Variants in SLCO3A1 observed in about 807,000 individuals in gnomAD.
SLCO3A1 encodes the protein solute carrier organic anion transporter family member 3A1.
Under a neutral mutation model 63.1 loss-of-function variants are expected in SLCO3A1, and 27 were observed. That is an observed-to-expected ratio of 0.43 (90% CI 0.32 to 0.59). The LOEUF (loss-of-function observed/expected upper bound fraction) is 0.59, where lower values mean the gene tolerates loss of function less well. SLCO3A1 is among the 20% of genes least tolerant of loss of function. The pLI, the probability that SLCO3A1 is intolerant of heterozygous loss-of-function variation, is 0.09. For missense variants in SLCO3A1, 773 were observed against 945.8 expected (o/e 0.82, Z 2.40); for synonymous variants, 473 against 409.9 (o/e 1.15, Z -1.86).
At chr15:92,167,307 CCT>C, downstream of SLCO3A1, among the ~76,000 whole-genome samples, 1 of 152,302 alleles carries the variant, frequency 6.6e-6, no homozygotes, top group Non-Finnish European at 1.5e-5. Flanking sequence ...TGATTGACCT[CCT>C]CTCAACCATG....
At chr15:92,104,994 G>A (rs116326573) in intron 4 of SLCO3A1, among the ~76,000 whole-genome samples, 5,614 of 142,450 alleles carry the variant, frequency 0.039, 332 homozygotes, top group African/African-American at 0.13. Context: ...CACCGCGCCC[G>A]GTGTAATCAC....
intron 1 of SLCO3A1, chr15:91,889,089 T>C (rs1010607752): frequency 3.7e-6 from 4 of 1,092,780 alleles, no homozygotes; most frequent in Non-Finnish European, 4.7e-6. Flanking sequence ...ATTTGTGTAC[T>C]TGTTATTACA....
chr15:92,019,803 T>G (rs1025109820), intron 2 of SLCO3A1, among the ~76,000 whole-genome samples: 3 of 152,130 alleles, frequency 2.0e-5, no homozygotes, highest in Non-Finnish European at 4.4e-5. Context: ...CCTTGCCACT[T>G]GTGGGGTGGC....
intron 2 of SLCO3A1, among the ~76,000 whole-genome samples, chr15:92,089,909 G>A (rs146883541): frequency 2.0e-5 from 3 of 152,246 alleles, no homozygotes; most frequent in African/African-American, 4.8e-5. Flanking sequence ...GGTTCACAGC[G>A]TCCTGAGTCC....
intron 2 of SLCO3A1, among the ~76,000 whole-genome samples, chr15:92,074,774 A>AG (rs1268601860): frequency 6.2e-5 from 5 of 80,802 alleles, no homozygotes; most frequent in Non-Finnish European, 1.5e-4. Context: ...GCTGACAAGC[A>AG]GGGCGGTGGG....
intron 9 of SLCO3A1, among the ~76,000 whole-genome samples, chr15:92,155,433 G>A (rs1198592033): frequency 6.6e-6 from 1 of 152,210 alleles, no homozygotes; most frequent in African/African-American, 2.4e-5. Flanking sequence ...AACAAAGCAA[G>A]TGTGGGGAAG....
intron 2 of SLCO3A1, among the ~76,000 whole-genome samples, chr15:91,960,543 G>C (rs772148930): frequency 3.3e-5 from 5 of 152,206 alleles, no homozygotes; most frequent in Non-Finnish European, 7.3e-5. Flanking sequence ...AGATCGTCCT[G>C]TAGCTCCTAA....
In SLCO3A1 at chr15:91,865,036, G is replaced by GC. The variant is rs1897132766; in HGVS notation, c.180+10953dup. ...ATTTGCCATGGGCAGTGTCCTTTCT[G>GC]CCCCCTCCGTGGTTGGCCACCCGCT... On this transcript the variant is annotated intron_variant, in intron 1 of 9. Transcript: ENST00000318445. The surrounding 1 kb of genome is among the most constrained non-coding windows in gnomAD (Gnocchi z 4.6). 1.3e-5 allele frequency among the ~76,000 whole-genome samples: 2 copies of GC among 152,138 alleles called. No homozygotes were observed. The highest frequency in any genetic ancestry group is 4.1e-4 in the South Asian group (2 of 4,822).
intron 2 of SLCO3A1, among the ~76,000 whole-genome samples, chr15:91,965,275 T>A (rs1489543315): frequency 2.0e-5 from 3 of 152,186 alleles, no homozygotes; most frequent in African/African-American, 4.8e-5. Flanking sequence ...AGCCAAGCCC[T>A]GGCTCCTCAG....
At chr15:92,005,783 G>T (rs898017181) in intron 2 of SLCO3A1, among the ~76,000 whole-genome samples, 1 of 152,140 alleles carries the variant, frequency 6.6e-6, no homozygotes, top group Non-Finnish European at 1.5e-5. Flanking sequence ...TAATTCCCTT[G>T]TGGCCCAGTC....
intron 2 of SLCO3A1, among the ~76,000 whole-genome samples, chr15:91,926,596 T>TGTGTGTGTGTGTGTGTGGGCGCGC: frequency 9.5e-6 from 1 of 105,256 alleles, no homozygotes; most frequent in African/African-American, 3.7e-5. Context: ...TGTGTGTGTG[T>TGTGTGTGTGTGTGTGTGGGCGCGC]GCGCGCGCGC....
At chr15:91,884,739 T>C (rs1019086061) in intron 1 of SLCO3A1, among the ~76,000 whole-genome samples, 3 of 152,206 alleles carry the variant, frequency 2.0e-5, no homozygotes, top group Non-Finnish European at 4.4e-5. Context: ...TCAGTTCTAA[T>C]GGTGACATTT....
chr15:92,001,937 G>C (rs1341316180), intron 2 of SLCO3A1, among the ~76,000 whole-genome samples: 1 of 149,714 alleles, frequency 6.7e-6, no homozygotes, highest in African/African-American at 2.5e-5. Context: ...AGCTCAGTTG[G>C]CACCTTTGCC....
chr15:91,899,707 C>T (rs1043316900), intron 1 of SLCO3A1, among the ~76,000 whole-genome samples: 1 of 152,182 alleles, frequency 6.6e-6, no homozygotes, highest in Admixed American at 6.5e-5. Context: ...CATCACCACA[C>T]TCAGTTTTAA....
intron 2 of SLCO3A1, among the ~76,000 whole-genome samples, chr15:92,073,193 G>A (rs1424169295): frequency 6.6e-6 from 1 of 152,126 alleles, no homozygotes; most frequent in African/African-American, 2.4e-5. Context: ...TTGGCCTCTC[G>A]GTTTCATCAT....
Position 91,948,874 on chromosome 15 carries a change from A to G in SLCO3A1, c.646+32416A>G, listed in dbSNP as rs539410496. On this transcript the variant is annotated intron_variant, in intron 2 of 9. Coordinates refer to ENST00000318445, the MANE Select transcript of SLCO3A1 (RefSeq NM_013272.4). This position sits in a 1 kb window ranked among gnomAD's most constrained non-coding sequence, Gnocchi z 4.8. ...GCCTGCAGAGCACCATCCATCCTCAATTCCTTTAATAACCTGAGGAACCTG... is the reference window on the plus strand; with the variant it reads ...GCCTGCAGAGCACCATCCATCCTCAGTTCCTTTAATAACCTGAGGAACCTG... Among the ~76,000 whole-genome samples the G allele has an allele frequency of 4.0e-4, 61 of 151,624 alleles. No individual in the cohort carries two copies. The highest frequency in any genetic ancestry group is 1.4e-3 in the African/African-American group (56 of 41,330).
At position 91,941,704 on chromosome 15, in the gene SLCO3A1, T is replaced by C. The variant is rs1440047791; in HGVS notation, c.646+25246T>C. 2 of 370,494 alleles carry C rather than the reference T, an allele frequency of 5.4e-6. No homozygotes were observed. Among genetic ancestry groups the C allele is most frequent in the Non-Finnish European group, 1.0e-5 (2 of 190,486 alleles). 23.0% of individuals were successfully genotyped at this position (370,494 alleles called of 1,614,324 possible). Reference sequence around the variant, plus strand: ...TTTAAAAAAATTATTTTTCCTCCTTTTTAATTTTTATGTTTAAAATATCTT... The same window carrying C: ...TTTAAAAAAATTATTTTTCCTCCTTCTTAATTTTTATGTTTAAAATATCTT... On this transcript the variant is annotated intron_variant, in intron 2 of 9. Transcript: ENST00000318445. This position sits in a 1 kb window ranked among gnomAD's most constrained non-coding sequence, Gnocchi z 4.4.
intron 7 of SLCO3A1, among the ~76,000 whole-genome samples, chr15:92,133,075 A>G (rs2048015381): frequency 6.9e-6 from 1 of 145,808 alleles, no homozygotes; most frequent in Non-Finnish European, 1.5e-5. Flanking sequence ...ATGGATTGTC[A>G]TGAGGCGCTG....
intron 2 of SLCO3A1, among the ~76,000 whole-genome samples, chr15:91,963,058 C>T (rs571022557): frequency 2.6e-5 from 4 of 151,996 alleles, no homozygotes; most frequent in Non-Finnish European, 5.9e-5. Flanking sequence ...TAAATGGGTC[C>T]GGGTGCTGGG....
Sources: allele counts gnomAD v4.1 joint callset (sites outside exome capture counted in the v4.1 genomes callset), GRCh38; gene constraint gnomAD v4.1.1; non-coding constraint Gnocchi (gnomAD v3.1); transcripts MANE v1.5; gene names NCBI Gene and HGNC (gene_info 2026-07-23, HGNC 2026-07-21).